PHACTR3: variants seen among roughly 807,000 people sequenced by gnomAD.
PHACTR3 encodes the protein phosphatase and actin regulator 3.
PHACTR3 carries 16 observed loss-of-function variants against 66.8 expected under a neutral mutation model. That is an observed-to-expected ratio of 0.24 (90% CI 0.16 to 0.36). The LOEUF (loss-of-function observed/expected upper bound fraction) is 0.36, where lower values mean the gene tolerates loss of function less well. Ranked by LOEUF, PHACTR3 falls within the 10% of genes least tolerant of loss-of-function variation. The probability of loss-of-function intolerance (pLI) is 1.00; values close to 1 mark genes in which losing one functional copy is unlikely to be tolerated. For missense variants in PHACTR3, 647 were observed against 719.9 expected (o/e 0.90, Z 1.16); for synonymous variants, 323 against 292.1 (o/e 1.11, Z -1.08).
At chr20:59,598,555 T>G (rs927223295) in intron 1 of PHACTR3, among the ~76,000 whole-genome samples, 1 of 152,190 alleles carries the variant, frequency 6.6e-6, no homozygotes, top group African/African-American at 2.4e-5. Flanking sequence ...TCAGGGCGAC[T>G]CTAGCTACCA....
At chr20:59,787,585 C>T (rs925577763) in intron 7 of PHACTR3, among the ~76,000 whole-genome samples, 5 of 152,280 alleles carry the variant, frequency 3.3e-5, no homozygotes, top group Admixed American at 6.5e-5. Context: ...TGCCAACAAC[C>T]GTGGCACACA....
intron 1 of PHACTR3, among the ~76,000 whole-genome samples, chr20:59,622,097 C>T (rs902585824): frequency 6.6e-6 from 1 of 150,614 alleles, no homozygotes; most frequent in East Asian, 1.9e-4. Context: ...TGTGCATGTA[C>T]AAGTATGTGT....
chr20:59,787,763 C>T (rs1222869061), intron 7 of PHACTR3, among the ~76,000 whole-genome samples: 1 of 152,170 alleles, frequency 6.6e-6, no homozygotes, highest in Non-Finnish European at 1.5e-5. Flanking sequence ...TTTCCACACC[C>T]ACTTCCTACT....
rs374047805 is a variant in PHACTR3 at position 59,588,647 on chromosome 20, C to T, written c.109+11030C>T. Among the ~76,000 whole-genome samples the T allele has an allele frequency of 9.2e-5, 14 of 152,340 alleles. No individual in the cohort carries two copies. In the East Asian group the frequency reaches 2.7e-3, roughly 29 times the overall value. On this transcript the variant is annotated intron_variant, in intron 1 of 12. Transcript: ENST00000359926. ...GCCATCTTCCCGGTACTGCCCCACC[C>T]CTCACCCCTGGCTGCTTCTCAGCCC...
intron 1 of PHACTR3, among the ~76,000 whole-genome samples, chr20:59,712,969 A>T (rs6100561): frequency 0.048 from 7,297 of 152,306 alleles, 567 homozygotes; most frequent in African/African-American, 0.16. Context: ...GGATTCTCTC[A>T]TTTCTATTTT....
intron 7 of PHACTR3, among the ~76,000 whole-genome samples, chr20:59,786,030 T>G (rs74408654): frequency 0.03 from 4,520 of 152,350 alleles, 196 homozygotes; most frequent in African/African-American, 0.095. Context: ...ACTGTTTGGA[T>G]TCAGAGGTCA....
intron 8 of PHACTR3, among the ~76,000 whole-genome samples, chr20:59,811,457 G>A (rs953542065): frequency 1.1e-4 from 16 of 152,256 alleles, no homozygotes; most frequent in Middle Eastern, 3.4e-3. Flanking sequence ...TCAGGAGTTC[G>A]AGACCAGCCT....
intron 6 of PHACTR3, among the ~76,000 whole-genome samples, chr20:59,773,747 G>A (rs960901907): frequency 3.9e-5 from 6 of 152,230 alleles, no homozygotes; most frequent in African/African-American, 1.2e-4. Context: ...AGCTTTGCAG[G>A]AGAGACTGAC....
rs189794958 is a variant in PHACTR3, at chr20:59,774,445, C to T, written c.1129C>T (p.Leu377Phe). The T allele has an allele frequency of 1.7e-5, 27 of 1,613,916 alleles. No homozygotes were observed. In the East Asian group the frequency reaches 5.3e-4, roughly 32 times the overall value. ...AAATTCTGAACTCAAAGACGACTTG[C>T]TTTTGTATCAGGACGAGGAGGCGCT... ...IINSELKDDL[L>F]LYQDEEALND... Residue 377 changes from leucine to phenylalanine, a missense_variant, in exon 7 of 13, where the codon CTT (leucine) becomes TTT (phenylalanine). Physicochemically the swap from Leu to Phe is conservative, Grantham distance 22. Transcript: ENST00000371015.
At chr20:59,664,295 C>G (rs2035914303) in intron 1 of PHACTR3, among the ~76,000 whole-genome samples, 2 of 152,104 alleles carry the variant, frequency 1.3e-5, no homozygotes, top group Admixed American at 1.3e-4. Context: ...TTCAAATTCC[C>G]CCAGCAACCC....
chr20:59,663,973 A>G (rs528342273), intron 1 of PHACTR3, among the ~76,000 whole-genome samples: 2 of 152,328 alleles, frequency 1.3e-5, no homozygotes, highest in South Asian at 4.1e-4. Flanking sequence ...GTTGATGCAT[A>G]TTGAAACGTC....
At chr20:59,581,716 C>G (rs926001561) in intron 1 of PHACTR3, among the ~76,000 whole-genome samples, 2 of 134,084 alleles carry the variant, frequency 1.5e-5, no homozygotes, top group African/African-American at 5.9e-5. Context: ...CCCGTCTCTA[C>G]TAAAAATGCA....
chr20:59,846,043 ATC>A (rs2059140909), intron 12 of PHACTR3, among the ~76,000 whole-genome samples: 1 of 152,148 alleles, frequency 6.6e-6, no homozygotes, highest in South Asian at 2.1e-4. Flanking sequence ...GTTCTCAAAC[ATC>A]TCTGATTCTA....
chr20:59,797,285 T>A (rs192044230), intron 7 of PHACTR3, among the ~76,000 whole-genome samples: 2 of 152,310 alleles, frequency 1.3e-5, no homozygotes, highest in Admixed American at 1.3e-4. Context: ...TGCTAAGGTT[T>A]CTTAAGGTCA....
chr20:59,771,045 G>T (rs1398813050), intron 5 of PHACTR3, among the ~76,000 whole-genome samples: 1 of 152,192 alleles, frequency 6.6e-6, no homozygotes, highest in East Asian at 1.9e-4. Context: ...GCACAAGCTG[G>T]GTGGGGCGAG....
chr20:59,686,734 GTGGTGATGATGGTGA>G (rs1568711551), intron 1 of PHACTR3, among the ~76,000 whole-genome samples: 3 of 137,860 alleles, frequency 2.2e-5, no homozygotes, highest in African/African-American at 2.6e-5. Flanking sequence ...TATGATGATG[GTGGTGATGATGGTGA>G]TGATGATGGT....
At chr20:59,659,081 T>C (rs1011721866) in intron 1 of PHACTR3, among the ~76,000 whole-genome samples, 1 of 152,164 alleles carries the variant, frequency 6.6e-6, no homozygotes, top group South Asian at 2.1e-4. Flanking sequence ...TGGTTCATTT[T>C]AAAAATCTCT....
chr20:59,752,643 C>T (rs149846914), intron 3 of PHACTR3, among the ~76,000 whole-genome samples: 69 of 141,482 alleles, frequency 4.9e-4, no homozygotes, highest in Non-Finnish European at 8.6e-4. Flanking sequence ...TTTTCTGAGT[C>T]TGGAGACCTC....
At chr20:59,724,339 G>A (rs560878070) in intron 1 of PHACTR3, among the ~76,000 whole-genome samples, 1 of 152,312 alleles carries the variant, frequency 6.6e-6, no homozygotes, top group Non-Finnish European at 1.5e-5. Context: ...CCACCACGTG[G>A]AGGTTGCTTG....
Sources: gnomAD v4.1 joint callset for allele counts (sites outside exome capture counted in the v4.1 genomes callset) on GRCh38, gnomAD v4.1.1 for gene constraint, MANE v1.5 for transcripts, NCBI Gene and HGNC (gene_info 2026-07-23, HGNC 2026-07-21) for gene names.